PTCSC3: variants seen among roughly 807,000 people sequenced by gnomAD.
The protein encoded by PTCSC3 is papillary thyroid carcinoma susceptibility candidate 3.
At chr14:36,142,131 C>A (rs2139088894) in intron 3 of PTCSC3, among the ~76,000 whole-genome samples, 1 of 152,248 alleles carries the variant, frequency 6.6e-6, no homozygotes, top group African/African-American at 2.4e-5. Context: ...TAGTTTCCCA[C>A]CATTAAGTAT....
intron 3 of PTCSC3, among the ~76,000 whole-genome samples, chr14:36,147,233 T>C (rs534592428): frequency 1.3e-5 from 2 of 152,352 alleles, no homozygotes; most frequent in Non-Finnish European, 2.9e-5. Flanking sequence ...GGGGAAGTTC[T>C]CCTGGATAAT....
intron 3 of PTCSC3, among the ~76,000 whole-genome samples, chr14:36,137,653 A>G (rs1302537646): frequency 6.6e-6 from 1 of 152,174 alleles, no homozygotes; most frequent in African/African-American, 2.4e-5. Flanking sequence ...TCTGTGAGAA[A>G]AAGAGAGGAG....
chr14:36,174,398 A>G (rs1230668401), intron 1 of PTCSC3, among the ~76,000 whole-genome samples: 1 of 152,094 alleles, frequency 6.6e-6, no homozygotes, highest in Non-Finnish European at 1.5e-5. Context: ...TAGAATGTTC[A>G]TATAGTTGTA....
intron 3 of PTCSC3, among the ~76,000 whole-genome samples, chr14:36,146,080 A>C (rs1363010904): frequency 6.7e-6 from 1 of 149,762 alleles, no homozygotes; most frequent in Admixed American, 6.6e-5. Flanking sequence ...CTTTACTTCC[A>C]AGTATGTGGT....
chr14:36,173,822 T>C (rs1882231665), intron 1 of PTCSC3, among the ~76,000 whole-genome samples: 1 of 152,152 alleles, frequency 6.6e-6, no homozygotes, highest in Non-Finnish European at 1.5e-5. Flanking sequence ...TGTCTTTATT[T>C]AACTCTTGTT....
intron 3 of PTCSC3, among the ~76,000 whole-genome samples, chr14:36,153,613 G>A (rs1384157412): frequency 2.0e-5 from 3 of 152,138 alleles, no homozygotes; most frequent in East Asian, 1.9e-4. Flanking sequence ...TTCACTTCTA[G>A]GTTTACACCC....
At chr14:36,138,750 A>G (rs1467012878) in intron 3 of PTCSC3, among the ~76,000 whole-genome samples, 1 of 152,236 alleles carries the variant, frequency 6.6e-6, no homozygotes, top group Non-Finnish European at 1.5e-5. Context: ...TTGAAAAACA[A>G]TTTGGCAGTT....
chr14:36,156,036 C>G lies in PTCSC3; in HGVS notation n.232-2142G>C, dbSNP rs73256174. 5.7e-3 allele frequency among the ~76,000 whole-genome samples: 869 copies of G among 152,272 alleles called. 4 individuals are homozygous for G. Among genetic ancestry groups the G allele is most frequent in the African/African-American group, 0.02 (825 of 41,550 alleles). ...AACTTTTGGTTTATGGGGGTTTCCC[C>G]TCATGACAGTACCAACTTGAATGTG... On this transcript the variant is annotated intron_variant and non_coding_transcript_variant, in intron 2 of 3. Coordinates refer to ENST00000556013, the Ensembl canonical transcript of PTCSC3.
At chr14:36,152,487 A>C (rs1881744778) in intron 3 of PTCSC3, among the ~76,000 whole-genome samples, 1 of 152,028 alleles carries the variant, frequency 6.6e-6, no homozygotes, top group African/African-American at 2.4e-5. Context: ...AAAATAGTGA[A>C]AATAAAACCA....
rs545472939 is a variant in PTCSC3 at position 36,138,867 on chromosome 14, C to T, written n.323-2511G>A. On this transcript the variant is annotated intron_variant and non_coding_transcript_variant, in intron 3 of 3. Coordinates refer to ENST00000556013, the Ensembl canonical transcript of PTCSC3. ...GGCGCGGGTGGCTCGCGGCTGTAAT[C>T]CTAGCACTTTGGGAGGCCGAGGCAG... Among the ~76,000 whole-genome samples the T allele has an allele frequency of 4.6e-5, 7 of 152,196 alleles. No individual in the cohort carries two copies. The South Asian group carries it at 1.2e-3, about 27-fold the overall frequency.
chr14:36,141,513 C>A (rs1172588560), intron 3 of PTCSC3, among the ~76,000 whole-genome samples: 1 of 151,834 alleles, frequency 6.6e-6, no homozygotes, highest in Non-Finnish European at 1.5e-5. Flanking sequence ...CCACCACGCC[C>A]AGCTAATTTT....
chr14:36,161,813 T>A (rs538892659), intron 2 of PTCSC3, among the ~76,000 whole-genome samples: 2 of 152,260 alleles, frequency 1.3e-5, no homozygotes, highest in South Asian at 4.1e-4. Context: ...TCTGCTGAAG[T>A]TGCACCCGCA....
chr14:36,160,774 T>G (rs1451502519), intron 2 of PTCSC3, among the ~76,000 whole-genome samples: 1 of 152,234 alleles, frequency 6.6e-6, no homozygotes, highest in Non-Finnish European at 1.5e-5. Flanking sequence ...TGGCCTGTCT[T>G]GCTAGGTTGG....
At chr14:36,164,311 GT>G (rs1882039832) in intron 1 of PTCSC3, 3 of 152,150 alleles carry the variant, frequency 2.0e-5, no homozygotes, top group Admixed American at 1.3e-4. Context: ...CAAAATTAGA[GT>G]TTTTACTTAG....
At chr14:36,160,614 C>T (rs1285551675) in intron 2 of PTCSC3, among the ~76,000 whole-genome samples, 1 of 151,376 alleles carries the variant, frequency 6.6e-6, no homozygotes, top group Non-Finnish European at 1.5e-5. Flanking sequence ...ATGGGCTTCC[C>T]TTTGTAGGTA....
chr14:36,161,551 G>C (rs749775166), intron 2 of PTCSC3, among the ~76,000 whole-genome samples: 8 of 152,156 alleles, frequency 5.3e-5, no homozygotes, highest in Non-Finnish European at 1.2e-4. Flanking sequence ...CTCCAGTAGA[G>C]GCTACAGAAC....
intron 1 of PTCSC3, among the ~76,000 whole-genome samples, chr14:36,164,471 T>G (rs1251100929): frequency 1.3e-5 from 2 of 152,250 alleles, no homozygotes; most frequent in Non-Finnish European, 2.9e-5. Flanking sequence ...TGTGTTATTT[T>G]CTTATAAAGG....
downstream of PTCSC3, among the ~76,000 whole-genome samples, chr14:36,135,075 C>A (rs1881255387): frequency 6.6e-6 from 1 of 152,170 alleles, no homozygotes; most frequent in Non-Finnish European, 1.5e-5. Flanking sequence ...AAGCTAATGG[C>A]AGCATAAGCC....
In PTCSC3 at chr14:36,171,719, C is replaced by G. The variant is rs116700809; in HGVS notation, n.171+4579G>C. 5.4e-3 allele frequency among the ~76,000 whole-genome samples: 824 copies of G among 152,218 alleles called. 7 individuals are homozygous for G. The highest frequency in any genetic ancestry group is 0.018 in the African/African-American group (741 of 41,542). ...TCAAAGGCAAGCAAGATGCATTCCT[C>G]GACAAGAAGCTTGTAAAAGCAGAAG... On this transcript the variant is annotated intron_variant and non_coding_transcript_variant, in intron 1 of 3. Transcript: ENST00000556013.
Sources: allele counts gnomAD v4.1 joint callset (sites outside exome capture counted in the v4.1 genomes callset), GRCh38; gene constraint gnomAD v4.1.1; transcripts MANE v1.5; gene names NCBI Gene and HGNC (gene_info 2026-07-23, HGNC 2026-07-21).